The following DIAPH2 variants were observed in gnomAD, a reference collection of about 807,000 sequenced individuals.
The protein encoded by DIAPH2 is protein diaphanous homolog 2.
In DIAPH2, 35 loss-of-function variants were observed where a neutral mutation model predicts 92.7. The observed-to-expected ratio is 0.38, with a 90% CI of 0.29 to 0.50. The LOEUF (loss-of-function observed/expected upper bound fraction) is 0.50. Among genes scored for constraint, DIAPH2 ranks in the 20% least tolerant of loss-of-function variants. The probability of loss-of-function intolerance (pLI) is 0.94; values close to 1 mark genes in which losing one functional copy is unlikely to be tolerated. For synonymous variants in DIAPH2, 301 were observed against 280.4 expected (o/e 1.07, Z -0.73); for missense variants, 701 against 819.5 (o/e 0.86, Z 1.77).
intron 19 of DIAPH2, among the ~76,000 whole-genome samples, chrX:97,092,913 A>G (rs887263522): frequency 9.0e-6 from 1 of 111,452 alleles, no homozygotes; most frequent in African/African-American, 3.3e-5. Flanking sequence ...GGCCAGGCAC[A>G]GTGGCTTACA....
intron 20 of DIAPH2, among the ~76,000 whole-genome samples, chrX:97,106,343 G>C (rs1037436550): frequency 2.7e-5 from 3 of 111,039 alleles, no homozygotes; most frequent in Non-Finnish European, 5.7e-5. Flanking sequence ...ATAATTTTGA[G>C]ATCAGGTAAA....
intron 4 of DIAPH2, among the ~76,000 whole-genome samples, chrX:96,760,030 CA>C (rs1296450373): frequency 1.8e-5 from 2 of 111,463 alleles, no homozygotes; most frequent in African/African-American, 6.5e-5. Context: ...GCATTAGCCT[CA>C]AAATCAGAAC....
intron 4 of DIAPH2, among the ~76,000 whole-genome samples, chrX:96,793,380 C>T (rs923772753): frequency 8.0e-5 from 9 of 112,245 alleles, no homozygotes; most frequent in African/African-American, 2.6e-4. Context: ...TGCTGGCCAG[C>T]GTCGTCTCCA....
At chrX:97,307,272 A>G (rs2068754815) in intron 23 of DIAPH2, among the ~76,000 whole-genome samples, 2 of 112,114 alleles carry the variant, frequency 1.8e-5, no homozygotes, top group Admixed American at 1.9e-4. Flanking sequence ...TGAAATGAGC[A>G]TTTATGCAAA....
intron 23 of DIAPH2, among the ~76,000 whole-genome samples, chrX:97,334,561 C>A (rs1812491855): frequency 9.1e-6 from 1 of 109,571 alleles, no homozygotes; most frequent in Non-Finnish European, 1.9e-5. Context: ...ATAGAAAAAT[C>A]CTTTCCATAC....
In DIAPH2 at chrX:97,206,296, A is replaced by T. The variant is rs2067795575; in HGVS notation, c.2720-41419A>T. Among the ~76,000 whole-genome samples, 3 of 111,996 alleles carry T rather than the reference A, an allele frequency of 2.7e-5. No individual in the cohort carries two copies. The Middle Eastern group carries it at 0.014, about 514-fold the overall frequency. ...TGTGACAAACCTGCACATTCTGCAC[A>T]TGTATCCTGGAACTTAAAGTAAAAA... On this transcript the variant is annotated intron_variant, in intron 22 of 26. Coordinates refer to ENST00000324765, the MANE Select transcript of DIAPH2 (RefSeq NM_006729.5).
intron 20 of DIAPH2, among the ~76,000 whole-genome samples, chrX:97,102,061 C>T (rs768918127): frequency 8.9e-6 from 1 of 112,106 alleles, no homozygotes; most frequent in East Asian, 2.8e-4. Context: ...TATGGAAAAC[C>T]TCCGGTGTCT....
chrX:96,729,849 G>A (rs990403847), intron 1 of DIAPH2, among the ~76,000 whole-genome samples: 3 of 112,018 alleles, frequency 2.7e-5, no homozygotes, highest in African/African-American at 9.7e-5. Flanking sequence ...TGTGCTTATG[G>A]TCACAAAAAT....
intron 26 of DIAPH2, among the ~76,000 whole-genome samples, chrX:97,584,127 C>T (rs2071463526): frequency 8.9e-6 from 1 of 112,280 alleles, no homozygotes; most frequent in African/African-American, 3.2e-5. Context: ...CAGAAATCAC[C>T]TGTGTTCTGC....
At chrX:96,688,116 A>G (rs2063780705) in intron 1 of DIAPH2, among the ~76,000 whole-genome samples, 2 of 111,971 alleles carry the variant, frequency 1.8e-5, no homozygotes, top group African/African-American at 6.5e-5. Context: ...TTAACCATTA[A>G]GAGAGGCCAA....
intron 17 of DIAPH2, among the ~76,000 whole-genome samples, chrX:97,054,082 C>T (rs1183029262): frequency 8.9e-6 from 1 of 111,810 alleles, no homozygotes; most frequent in Non-Finnish European, 1.9e-5. Context: ...AAATTGAAAA[C>T]ATAATCATAG....
chrX:96,791,833 G>A (rs1027799179), intron 4 of DIAPH2, among the ~76,000 whole-genome samples: 1 of 110,620 alleles, frequency 9.0e-6, no homozygotes, highest in Non-Finnish European at 1.9e-5. Context: ...AATTCTCACC[G>A]TAATCCTTTG....
At chrX:97,087,269 C>T (rs902316827) in intron 19 of DIAPH2, among the ~76,000 whole-genome samples, 1 of 111,850 alleles carries the variant, frequency 8.9e-6, no homozygotes, top group Non-Finnish European at 1.9e-5. Flanking sequence ...AGTGACAGAA[C>T]CATTTAATGA....
At chrX:97,260,798 G>A (rs1398207660) in intron 23 of DIAPH2, among the ~76,000 whole-genome samples, 2 of 112,138 alleles carry the variant, frequency 1.8e-5, no homozygotes, top group Non-Finnish European at 3.8e-5. Flanking sequence ...TTTCAGCTAA[G>A]AGGTTCGAAT....
intron 23 of DIAPH2, among the ~76,000 whole-genome samples, chrX:97,341,850 C>CA (rs1252016559): frequency 8.9e-6 from 1 of 111,964 alleles, no homozygotes; most frequent in Non-Finnish European, 1.9e-5. Context: ...CTTCTTTACT[C>CA]AGTCTACTGA....
chrX:96,972,573 G>A (rs1408231767), intron 17 of DIAPH2, among the ~76,000 whole-genome samples: 2 of 110,935 alleles, frequency 1.8e-5, no homozygotes, highest in Admixed American at 9.6e-5. Context: ...CAGGCACCAG[G>A]GAACTCACAA....
At chrX:96,917,809 TA>T (rs945230704) in intron 8 of DIAPH2, among the ~76,000 whole-genome samples, 5 of 110,737 alleles carry the variant, frequency 4.5e-5, no homozygotes, top group African/African-American at 1.6e-4. Context: ...AAATGTTGAT[TA>T]AAAAAATTCT....
intron 25 of DIAPH2, among the ~76,000 whole-genome samples, chrX:97,423,483 A>G (rs2070030760): frequency 8.9e-6 from 1 of 111,917 alleles, no homozygotes; most frequent in African/African-American, 3.3e-5. Context: ...AATTAAGACA[A>G]CACAACACAA....
intron 4 of DIAPH2, among the ~76,000 whole-genome samples, chrX:96,825,825 A>G (rs1440358625): frequency 5.4e-5 from 6 of 110,667 alleles, no homozygotes; most frequent in Non-Finnish European, 9.5e-5. Flanking sequence ...TCCAGGGTCA[A>G]CCACTCCTCC....
Sources: gnomAD v4.1 joint callset for allele counts (sites outside exome capture counted in the v4.1 genomes callset) on GRCh38, gnomAD v4.1.1 for gene constraint, MANE v1.5 for transcripts, NCBI Gene and HGNC (gene_info 2026-07-23, HGNC 2026-07-21) for gene names.